The following NUDT4 variants were observed in gnomAD, a reference collection of about 807,000 sequenced individuals.
NUDT4 encodes diphosphoinositol polyphosphate phosphohydrolase 2.
In NUDT4, 5 loss-of-function variants were observed where a neutral mutation model predicts 23.1. That is an observed-to-expected ratio of 0.22 (90% confidence interval 0.11 to 0.46). NUDT4 has a LOEUF of 0.46. Among genes scored for constraint, NUDT4 ranks in the 20% least tolerant of loss-of-function variants. The pLI, the probability that NUDT4 is intolerant of heterozygous loss-of-function variation, is 0.99. For synonymous variants in NUDT4, 50 were observed against 79.0 expected (o/e 0.63, Z 1.95); for missense variants, 96 against 211.6 (o/e 0.45, Z 3.39).
rs1877650794 is a variant in NUDT4, at chr12:93,404,000, T to C, written c.*4621T>C. 1.3e-5 allele frequency: 2 copies of C among 152,356 alleles called. No individual in the cohort carries two copies. Among genetic ancestry groups the C allele is most frequent in the Admixed American group, 6.5e-5 (1 of 15,306 alleles). 9.4% of individuals were successfully genotyped at this position (152,356 alleles called of 1,614,324 possible). A position where few individuals can be genotyped will look rare whatever the true frequency, so the allele number is the denominator to read the frequency against. ...GCAAATTCTGATAACCCGGTATTAC[T>C]CTTAATGCATTTTTGTAACATTTGA... is the stretch of plus-strand genomic sequence containing the variant. On this transcript the variant is annotated 3_prime_UTR_variant, in exon 5 of 5. Transcript: ENST00000415493.
chr12:93,379,963 G>A (rs902954302), intron 1 of NUDT4, among the ~76,000 whole-genome samples: 1 of 152,180 alleles, frequency 6.6e-6, no homozygotes, highest in African/African-American at 2.4e-5. Flanking sequence ...TGTGCCAGGC[G>A]CTGCCAGAAG....
chr12:93,398,549 A>C lies in NUDT4; in HGVS notation c.256-222A>C, dbSNP rs1285645660. Among the ~76,000 whole-genome samples, 4 of 152,118 alleles carry C rather than the reference A, an allele frequency of 2.6e-5. No individual in the cohort carries two copies. The South Asian group carries it at 8.3e-4, about 32-fold the overall frequency. On this transcript the variant is annotated intron_variant, in intron 3 of 4. Transcript: ENST00000415493. The stretch of plus-strand genomic sequence containing the variant: ...AGTATTGAGAGCCAATTTCACCACC[A>C]GTAATGATGAAGCTCTAGTTCTAGT...
chr12:93,384,653 A>G lies in NUDT4; in HGVS notation c.99+6232A>G, dbSNP rs551505817. Among the ~76,000 whole-genome samples, 3 of 152,350 alleles carry G rather than the reference A, an allele frequency of 2.0e-5. No individual in the cohort carries two copies. The South Asian group carries it at 6.2e-4, about 32-fold the overall frequency. ...TGCATTCAAAACCATCTTGGACTGC[A>G]TGCAGTCCACGGGCCACAGGTTGAG... On this transcript the variant is annotated intron_variant, in intron 1 of 4. Coordinates refer to ENST00000415493, the MANE Select transcript of NUDT4 (RefSeq NM_019094.6).
chr12:93,383,344 A>G (rs1448045787), intron 1 of NUDT4, among the ~76,000 whole-genome samples: 8 of 152,224 alleles, frequency 5.3e-5, no homozygotes, highest in Non-Finnish European at 1.2e-4. Context: ...GCTGTTTAGC[A>G]TGTATCAAAC....
intron 1 of NUDT4, among the ~76,000 whole-genome samples, chr12:93,383,074 ATT>A (rs367746876): frequency 3.5e-5 from 5 of 144,468 alleles, no homozygotes; most frequent in East Asian, 4.0e-4. Flanking sequence ...TTTGCATTGG[ATT>A]TTTTTTTTTT....
At chr12:93,385,976 A>AT (rs202241092) in intron 1 of NUDT4, among the ~76,000 whole-genome samples, 10,830 of 86,458 alleles carry the variant, frequency 0.13, 622 homozygotes, top group Non-Finnish European at 0.16. Context: ...TATATACATA[A>AT]TTTTTTTTTT....
intron 2 of NUDT4, 60 bp downstream of exon 2, chr12:93,394,779 C>CA: frequency 2.0e-6 from 2 of 1,003,736 alleles, no homozygotes; most frequent in Non-Finnish European, 3.1e-6. Context: ...CCCTTTGCTA[C>CA]ATAACACTAA....
At chr12:93,397,506 C>G (rs1267455609) in intron 3 of NUDT4, among the ~76,000 whole-genome samples, 1 of 151,000 alleles carries the variant, frequency 6.6e-6, no homozygotes, top group African/African-American at 2.4e-5. Flanking sequence ...CAGAAACAAG[C>G]TCAGTTGCCT....
chr12:93,383,659 T>C, intron 1 of NUDT4, among the ~76,000 whole-genome samples: 1 of 152,080 alleles, frequency 6.6e-6, no homozygotes, highest in East Asian at 1.9e-4. Flanking sequence ...TGGCAAAACC[T>C]CGTCTCTACT....
At chr12:93,382,763 G>A (rs1284277591) in intron 1 of NUDT4, among the ~76,000 whole-genome samples, 4 of 142,824 alleles carry the variant, frequency 2.8e-5, no homozygotes, top group Non-Finnish European at 6.0e-5. Flanking sequence ...TGCAAGCTCC[G>A]CCTTCCAGGT....
At chr12:93,392,253 C>CA (rs763253750) in intron 1 of NUDT4, among the ~76,000 whole-genome samples, 1 of 137,806 alleles carries the variant, frequency 7.3e-6, no homozygotes, top group East Asian at 2.5e-4. Flanking sequence ...TCCCCCCCCC[C>CA]CTTTTTTTTT....
chr12:93,378,635 C>T, intron 1 of NUDT4: 2 of 1,208,048 alleles, frequency 1.7e-6, no homozygotes, highest in Non-Finnish European at 2.1e-6. Flanking sequence ...CGCCCAGCCC[C>T]AGTTTCTCCA....
intron 2 of NUDT4, 115 bp from the exon 3 acceptor site, chr12:93,395,374 T>TGG: frequency 2.7e-6 from 2 of 733,912 alleles, no homozygotes; most frequent in Non-Finnish European, 4.8e-6. Context: ...TGAGTTGGTA[T>TGG]GGGGAGGGGT....
chr12:93,393,399 G>A (rs565896406), intron 1 of NUDT4, among the ~76,000 whole-genome samples: 4 of 152,088 alleles, frequency 2.6e-5, no homozygotes, highest in East Asian at 1.9e-4. Context: ...CACCACGCCC[G>A]GCCACATTTC....
chr12:93,381,091 T>TA (rs1875629526), intron 1 of NUDT4: 1 of 152,210 alleles, frequency 6.6e-6, no homozygotes, highest in South Asian at 2.1e-4. Context: ...AGAGCAGAGT[T>TA]ATTCTTTTAA....
At chr12:93,394,238 T>A (rs2120943540) in intron 1 of NUDT4, among the ~76,000 whole-genome samples, 1 of 152,268 alleles carries the variant, frequency 6.6e-6, no homozygotes, top group South Asian at 2.1e-4. Flanking sequence ...TCCTGACCTC[T>A]TGATCCGCCC....
rs1877276541 is a variant in NUDT4, at chr12:93,400,136, G to A, written c.*757G>A. Reference sequence around the variant, plus strand: ...ACATCTTATGAAAACTGTATTCATGGAATTTGATTTAGCATGCTCAGTTGC... The same window carrying A: ...ACATCTTATGAAAACTGTATTCATGAAATTTGATTTAGCATGCTCAGTTGC... On this transcript the variant is annotated 3_prime_UTR_variant, in exon 5 of 5. Coordinates refer to ENST00000415493, the MANE Select transcript of NUDT4 (RefSeq NM_019094.6). 6.6e-6 allele frequency: 1 copy of A among 151,196 alleles called. No individual in the cohort carries two copies. The highest frequency in any genetic ancestry group is 1.5e-5 in the Non-Finnish European group (1 of 67,924). The allele number at this position is 151,196 out of a possible 1,614,324, so 9.4% of individuals were successfully genotyped here. A position where few individuals can be genotyped will look rare whatever the true frequency, so the allele number is the denominator to read the frequency against.
intron 1 of NUDT4, among the ~76,000 whole-genome samples, chr12:93,385,938 T>TC (rs1565777230): frequency 1.5e-5 from 1 of 67,606 alleles, no homozygotes; most frequent in South Asian, 6.4e-4. Context: ...ATAGTAAATC[T>TC]TTTTATATAT....
At chr12:93,397,691 A>T (rs1877033467) in intron 3 of NUDT4, among the ~76,000 whole-genome samples, 1 of 151,806 alleles carries the variant, frequency 6.6e-6, no homozygotes, top group Non-Finnish European at 1.5e-5. Flanking sequence ...CCCGGCTAAT[A>T]TTTTCGTATT....
Sources: gnomAD v4.1 joint callset for allele counts (sites outside exome capture counted in the v4.1 genomes callset) on GRCh38, gnomAD v4.1.1 for gene constraint, MANE v1.5 for transcripts, NCBI Gene and HGNC (gene_info 2026-07-23, HGNC 2026-07-21) for gene names.